Variants in NPAS3 observed in about 807,000 individuals in gnomAD.
The protein encoded by NPAS3 is neuronal PAS domain protein 3.
Under a neutral mutation model 73.1 loss-of-function variants are expected in NPAS3, and 14 were observed. That is an observed-to-expected ratio of 0.19 (90% CI 0.13 to 0.30). The LOEUF (loss-of-function observed/expected upper bound fraction) is 0.30. NPAS3 is among the 10% of genes least tolerant of loss of function. The pLI is 1.00. For missense variants in NPAS3, 1,096 were observed against 1,250.0 expected, an observed-to-expected ratio of 0.88 and a Z score of 1.86; for synonymous variants, 620 against 541.5, an observed-to-expected ratio of 1.14 and a Z score of -2.01.
intron 2 of NPAS3, among the ~76,000 whole-genome samples, chr14:33,150,477 ACT>A (rs1461413602): frequency 6.6e-6 from 1 of 152,182 alleles, no homozygotes; most frequent in Admixed American, 6.5e-5. Context: ...TATGAAATAA[ACT>A]CACCAAATAT....
chr14:32,938,007 C>T (rs1269182806), upstream of NPAS3, among the ~76,000 whole-genome samples: 6 of 152,308 alleles, frequency 3.9e-5, no homozygotes, highest in East Asian at 1.2e-3. Context: ...TGCGGCTGGG[C>T]TAGATCCCAG....
At chr14:33,538,614 G>A (rs1386704198) in intron 4 of NPAS3, among the ~76,000 whole-genome samples, 1 of 152,190 alleles carries the variant, frequency 6.6e-6, no homozygotes, top group African/African-American at 2.4e-5. Context: ...GGACTTATGA[G>A]AATTATTATT....
upstream of NPAS3, among the ~76,000 whole-genome samples, chr14:32,935,458 T>C (rs1373180831): frequency 6.6e-6 from 1 of 152,254 alleles, no homozygotes; most frequent in Non-Finnish European, 1.5e-5. Flanking sequence ...TTTTCATGTG[T>C]AGCTGTAAAC....
chr14:33,293,599 C>T (rs1326399170), intron 3 of NPAS3, among the ~76,000 whole-genome samples: 1 of 152,080 alleles, frequency 6.6e-6, no homozygotes, highest in African/African-American at 2.4e-5. Flanking sequence ...AAGCCTAATA[C>T]AACGCTGAGT....
At chr14:33,206,130 T>C (rs1267326351) in intron 2 of NPAS3, among the ~76,000 whole-genome samples, 2 of 152,118 alleles carry the variant, frequency 1.3e-5, no homozygotes, top group African/African-American at 2.4e-5. Context: ...ATAAATTAAA[T>C]AAAAATTTTA....
intron 5 of NPAS3, among the ~76,000 whole-genome samples, chr14:33,626,410 A>G (rs2058221128): frequency 6.6e-6 from 1 of 152,156 alleles, no homozygotes; most frequent in Non-Finnish European, 1.5e-5. Flanking sequence ...CTTGTACAAG[A>G]TGTTTTACAA....
intron 10 of NPAS3, among the ~76,000 whole-genome samples, chr14:33,794,523 G>A (rs577437502): frequency 5.3e-5 from 8 of 151,748 alleles, no homozygotes; most frequent in Admixed American, 2.6e-4. Flanking sequence ...ATTACATAGG[G>A]TTTGACTTCC....
chr14:33,361,724 A>G (rs1448191733), intron 3 of NPAS3, among the ~76,000 whole-genome samples: 1 of 152,204 alleles, frequency 6.6e-6, no homozygotes, highest in Non-Finnish European at 1.5e-5. Context: ...GTGATATAAC[A>G]TGTTAGTAGG....
Position 33,275,459 on chromosome 14 carries a change from T to C in NPAS3, c.385+60033T>C, listed in dbSNP as rs537060164. ...TATAAAATGTAGCCCACCACTTTGA[T>C]GTGATTCACTACTATTTCACCAAAC... On this transcript the variant is annotated intron_variant, in intron 3 of 11. Transcript: ENST00000356141. 1.1e-4 allele frequency among the ~76,000 whole-genome samples: 16 copies of C among 152,362 alleles called. No homozygotes were observed. The South Asian group carries it at 2.5e-3, about 24-fold the overall frequency.
At chr14:33,579,033 A>G (rs58562861) in intron 5 of NPAS3, among the ~76,000 whole-genome samples, 23,246 of 152,176 alleles carry the variant, frequency 0.15, 2,103 homozygotes, top group East Asian at 0.36. Flanking sequence ...CTGTTTGAGC[A>G]ACTGCTATGT....
intron 1 of NPAS3, among the ~76,000 whole-genome samples, chr14:33,035,279 A>G (rs1354428383): frequency 6.6e-6 from 1 of 152,080 alleles, no homozygotes; most frequent in East Asian, 1.9e-4. Context: ...ATTTGTTTTT[A>G]TGTGTGTTAT....
intron 3 of NPAS3, among the ~76,000 whole-genome samples, chr14:33,257,381 C>G (rs1447924390): frequency 6.6e-6 from 1 of 152,128 alleles, no homozygotes; most frequent in Non-Finnish European, 1.5e-5. Flanking sequence ...ATGAGTCCCT[C>G]TTTGGTAATT....
At chr14:33,355,945 C>T (rs1397906038) in intron 3 of NPAS3, among the ~76,000 whole-genome samples, 1 of 152,238 alleles carries the variant, frequency 6.6e-6, no homozygotes, top group African/African-American at 2.4e-5. Context: ...CACTGGAATG[C>T]CAGCTCCATG....
intron 4 of NPAS3, among the ~76,000 whole-genome samples, chr14:33,552,849 T>C (rs946016837): frequency 2.0e-5 from 3 of 152,192 alleles, no homozygotes; most frequent in African/African-American, 7.2e-5. Context: ...AAAAGAACTC[T>C]GAATTCAATG....
chr14:33,469,315 A>AGT (rs1491431588), intron 4 of NPAS3, among the ~76,000 whole-genome samples: 1 of 149,246 alleles, frequency 6.7e-6, no homozygotes, highest in Non-Finnish European at 1.5e-5. Flanking sequence ...AAAAAAAAAG[A>AGT]GTGTGTGTGT....
intron 3 of NPAS3, among the ~76,000 whole-genome samples, chr14:33,274,607 G>A (rs560223155): frequency 1.3e-5 from 2 of 152,178 alleles, no homozygotes; most frequent in Admixed American, 1.3e-4. Flanking sequence ...CCTCCTTTTA[G>A]TCTTGACTTA....
intron 4 of NPAS3, among the ~76,000 whole-genome samples, chr14:33,525,350 A>G (rs1361803492): frequency 6.6e-6 from 1 of 152,194 alleles, no homozygotes; most frequent in African/African-American, 2.4e-5. Flanking sequence ...CCATATAATT[A>G]CTGCTAGATT....
chr14:33,493,742 T>C (rs1263881993), intron 4 of NPAS3, among the ~76,000 whole-genome samples: 2 of 152,140 alleles, frequency 1.3e-5, no homozygotes, highest in Non-Finnish European at 2.9e-5. Flanking sequence ...GCTCCCAGGA[T>C]GAGAAGTCGC....
At chr14:33,641,513 G>T (rs1231266090) in intron 5 of NPAS3, among the ~76,000 whole-genome samples, 1 of 152,152 alleles carries the variant, frequency 6.6e-6, no homozygotes, top group Non-Finnish European at 1.5e-5. Context: ...ATAATTGTGT[G>T]TACCACTAGG....
Sources: gnomAD v4.1 joint callset for allele counts (sites outside exome capture counted in the v4.1 genomes callset) on GRCh38, gnomAD v4.1.1 for gene constraint, MANE v1.5 for transcripts, NCBI Gene and HGNC (gene_info 2026-07-23, HGNC 2026-07-21) for gene names.